The following SHISA6 variants were observed in gnomAD, a reference collection of about 807,000 sequenced individuals.
The protein encoded by SHISA6 is shisa family member 6.
Under a neutral mutation model 47.9 loss-of-function variants are expected in SHISA6, and 22 were observed. That is an observed-to-expected ratio of 0.46 (90% CI 0.33 to 0.66). The LOEUF (loss-of-function observed/expected upper bound fraction) is 0.66. Ranked by LOEUF, SHISA6 falls within the 30% of genes least tolerant of loss-of-function variation. SHISA6 has a pLI of 0.02. For synonymous variants in SHISA6, 388 were observed against 337.8 expected (o/e 1.15, Z -1.63); for missense variants, 680 against 764.6 (o/e 0.89, Z 1.30).
intron 1 of SHISA6, among the ~76,000 whole-genome samples, chr17:11,248,633 A>G (rs7208677): frequency 0.028 from 4,238 of 152,210 alleles, 176 homozygotes; most frequent in African/African-American, 0.097. Context: ...TTTCCACTGA[A>G]TGTCTCCACT....
chr17:11,326,716 T>A (rs1910909614), intron 2 of SHISA6, among the ~76,000 whole-genome samples: 1 of 152,228 alleles, frequency 6.6e-6, no homozygotes, highest in Non-Finnish European at 1.5e-5. Context: ...CAGACCTCTG[T>A]GTGAAATCCT....
intron 3 of SHISA6, among the ~76,000 whole-genome samples, chr17:11,424,226 C>A (rs1328599090): frequency 6.6e-6 from 1 of 151,974 alleles, no homozygotes; most frequent in Non-Finnish European, 1.5e-5. Flanking sequence ...CATTTTAAAG[C>A]AGATAGAAAT....
chr17:11,557,880 G>A lies in SHISA6; in HGVS notation c.1232G>A (p.Arg411His), dbSNP rs779366882. The A allele has an allele frequency of 1.5e-5, 23 of 1,551,384 alleles. No individual in the cohort carries two copies. Among genetic ancestry groups the A allele is most frequent in the South Asian group, 1.1e-4 (9 of 84,060 alleles). The change falls in exon 6 of 6, where the codon CGC becomes CAC. Residue 411 changes from arginine (R) to histidine (H), a missense_variant. Arg to His is a conservative substitution (Grantham distance 29). This residue lies in a region of SHISA6 where 559 missense variants were observed against 674.1 expected (regional missense o/e 0.83). Transcript: ENST00000441885. ...QQKPLPRERP[R>H]RPIRAMSQDR... is the part of the protein sequence containing the mutation. The stretch of plus-strand genomic sequence containing the variant: ...AAGCCGTTGCCAAGGGAACGACCCC[G>A]CCGGCCCATCCGGGCCATGTCCCAG...
At chr17:11,414,611 A>G (rs1914226424) in intron 3 of SHISA6, among the ~76,000 whole-genome samples, 8 of 152,172 alleles carry the variant, frequency 5.3e-5, no homozygotes, top group Admixed American at 5.2e-4. Context: ...GTGATAAGGT[A>G]TGAAAGGAGA....
intron 2 of SHISA6, among the ~76,000 whole-genome samples, chr17:11,349,061 GTTTGGTCTGGGATCC>G (rs893494614): frequency 6.6e-5 from 10 of 152,320 alleles, no homozygotes; most frequent in Admixed American, 6.5e-4. Flanking sequence ...TAAAGGTTGT[GTTTGGTCTGGGATCC>G]TTTGGTTTAA....
chr17:11,435,232 C>T (rs1173256253), intron 3 of SHISA6, among the ~76,000 whole-genome samples: 1 of 151,800 alleles, frequency 6.6e-6, no homozygotes, highest in Non-Finnish European at 1.5e-5. Context: ...TTATATTTAA[C>T]TTAAAGATTA....
At chr17:11,365,465 A>G (rs578069578) in intron 2 of SHISA6, among the ~76,000 whole-genome samples, 1 of 152,242 alleles carries the variant, frequency 6.6e-6, no homozygotes, top group African/African-American at 2.4e-5. Flanking sequence ...TTTAGTAGAG[A>G]TGGGGTTTTA....
intron 3 of SHISA6, among the ~76,000 whole-genome samples, chr17:11,426,500 A>G (rs923922651): frequency 6.6e-6 from 1 of 152,224 alleles, no homozygotes; most frequent in East Asian, 1.9e-4. Context: ...GCAAGAGATG[A>G]TGGGTGCAGT....
intron 3 of SHISA6, among the ~76,000 whole-genome samples, chr17:11,397,989 GGTT>G (rs1913631828): frequency 6.6e-6 from 1 of 151,552 alleles, no homozygotes; most frequent in Non-Finnish European, 1.5e-5. Flanking sequence ...CCTTTCTGCT[GGTT>G]GTTTTTAATT....
chr17:11,272,499 T>C (rs889123461), intron 2 of SHISA6, among the ~76,000 whole-genome samples: 5 of 152,176 alleles, frequency 3.3e-5, no homozygotes, highest in Non-Finnish European at 7.3e-5. Context: ...CTTCACTAGC[T>C]GGAAGTAGGG....
intron 2 of SHISA6, among the ~76,000 whole-genome samples, chr17:11,333,937 C>T (rs1378353074): frequency 6.6e-6 from 1 of 152,200 alleles, no homozygotes. Flanking sequence ...TAAGTTTCTA[C>T]CACCATCCAG....
chr17:11,372,079 T>C (rs1185175530), intron 2 of SHISA6, among the ~76,000 whole-genome samples: 1 of 152,204 alleles, frequency 6.6e-6, no homozygotes, highest in Non-Finnish European at 1.5e-5. Context: ...TTTGTTGTTG[T>C]TTTTTCAACT....
chr17:11,450,249 C>T (rs1422360220), intron 3 of SHISA6, among the ~76,000 whole-genome samples: 1 of 152,138 alleles, frequency 6.6e-6, no homozygotes. Context: ...TCCACTTTGA[C>T]CTCATCTTAA....
chr17:11,411,800 A>G (rs540553132), intron 3 of SHISA6, among the ~76,000 whole-genome samples: 1 of 152,286 alleles, frequency 6.6e-6, no homozygotes, highest in South Asian at 2.1e-4. Flanking sequence ...TAACTTGCTG[A>G]TGTGACCTTG....
intron 1 of SHISA6, 64 bp from the exon 2 acceptor site, chr17:11,263,302 A>ACTC: frequency 1.3e-6 from 2 of 1,512,940 alleles, no homozygotes; most frequent in Non-Finnish European, 1.8e-6. Flanking sequence ...AAGTAAGCCA[A>ACTC]CTCCCCTCAT....
intron 3 of SHISA6, among the ~76,000 whole-genome samples, chr17:11,422,534 C>T (rs1914477379): frequency 1.3e-5 from 2 of 152,232 alleles, no homozygotes; most frequent in Admixed American, 1.3e-4. Context: ...GGCGGATCAC[C>T]TGAGGTCAGG....
chr17:11,362,301 A>G (rs907951234), intron 2 of SHISA6, among the ~76,000 whole-genome samples: 1 of 152,042 alleles, frequency 6.6e-6, no homozygotes, highest in African/African-American at 2.4e-5. Context: ...CACAACACTC[A>G]GCTAATTTCT....
At position 11,555,747 on chromosome 17, in the gene SHISA6, A is replaced by T. The variant is rs761634367; in HGVS notation, c.960A>T (p.Pro320=). Residue 320 remains proline (P), a synonymous_variant, in exon 5 of 6, where the codon CCA becomes CCT. Coordinates refer to ENST00000441885, the MANE Select transcript of SHISA6 (RefSeq NM_207386.4). ...CCCTCCCTTTTCTTGCAGAGAAGCCACGGATGAACAACATCCTGACATCAG... is the reference window on the plus strand; with the variant it reads ...CCCTCCCTTTTCTTGCAGAGAAGCCTCGGATGAACAACATCCTGACATCAG... The part of the protein sequence containing the change: ...SVTQIPPHEK[P]RMNNILTSAT... The T allele has an allele frequency of 1.2e-5, 19 of 1,542,320 alleles. No homozygotes were observed. The highest frequency in any genetic ancestry group is 1.7e-5 in the Non-Finnish European group (19 of 1,143,462).
At chr17:11,360,630 G>A (rs954801767) in intron 2 of SHISA6, among the ~76,000 whole-genome samples, 9 of 151,732 alleles carry the variant, frequency 5.9e-5, no homozygotes, top group Non-Finnish European at 1.2e-4. Context: ...GGGCCTGTCC[G>A]GGGGTAGGGG....
Sources: allele counts gnomAD v4.1 joint callset (sites outside exome capture counted in the v4.1 genomes callset), GRCh38; gene constraint gnomAD v4.1.1; regional missense constraint gnomAD v4.1.1; transcripts MANE v1.5; gene names NCBI Gene and HGNC (gene_info 2026-07-23, HGNC 2026-07-21).